CACNA1C: variants seen among roughly 807,000 people sequenced by gnomAD.
The protein encoded by CACNA1C is voltage-dependent L-type calcium channel subunit alpha-1C.
A neutral mutation model predicts 229.0 loss-of-function variants in CACNA1C; 30 were observed. The ratio of observed to expected loss-of-function variants is 0.13; its 90% CI spans 0.10 to 0.18. CACNA1C has a LOEUF of 0.18. Among genes scored for constraint, CACNA1C ranks in the 10% least tolerant of loss-of-function variants. The pLI, the probability that CACNA1C is intolerant of heterozygous loss-of-function variation, is 1.00. For missense variants in CACNA1C, 1,658 were observed against 2,845.0 expected, an observed-to-expected ratio of 0.58 and a Z score of 9.49; for synonymous variants, 1,114 against 1,132.5, an observed-to-expected ratio of 0.98 and a Z score of 0.33.
At chr12:2,453,853 G>A (rs1596725687) in intron 4 of CACNA1C, among the ~76,000 whole-genome samples, 1 of 152,198 alleles carries the variant, frequency 6.6e-6, no homozygotes, top group African/African-American at 2.4e-5. Context: ...ATGAGTGGGT[G>A]TAACTGAATT....
intron 3 of CACNA1C, among the ~76,000 whole-genome samples, chr12:2,208,259 A>G (rs1423347491): frequency 1.3e-5 from 2 of 152,246 alleles, no homozygotes; most frequent in Non-Finnish European, 1.5e-5. Flanking sequence ...AGAAGACATT[A>G]AAAACACACA....
chr12:2,209,057 C>T (rs964362695), intron 3 of CACNA1C, among the ~76,000 whole-genome samples: 5 of 152,210 alleles, frequency 3.3e-5, no homozygotes, highest in African/African-American at 1.2e-4. Context: ...CGGCCAGCAG[C>T]GTCCATGCTG....
intron 1 of CACNA1C, among the ~76,000 whole-genome samples, chr12:1,976,284 C>G (rs759108930): frequency 6.6e-6 from 1 of 152,174 alleles, no homozygotes; most frequent in East Asian, 1.9e-4. Context: ...ATAAATAGAT[C>G]AATTTTTCAG....
chr12:2,663,239 G>A (rs888449614), intron 34 of CACNA1C, among the ~76,000 whole-genome samples: 1 of 152,154 alleles, frequency 6.6e-6, no homozygotes, highest in African/African-American at 2.4e-5. Flanking sequence ...AACTAACAAA[G>A]GGTTAAGAAT....
intron 5 of CACNA1C, among the ~76,000 whole-genome samples, chr12:2,484,680 G>C (rs2154570301): frequency 6.6e-6 from 1 of 152,180 alleles, no homozygotes; most frequent in African/African-American, 2.4e-5. Flanking sequence ...ACCACCTCGA[G>C]TAGCACTTGG....
chr12:2,073,026 C>T (rs896068214), intron 1 of CACNA1C, among the ~76,000 whole-genome samples: 1 of 152,064 alleles, frequency 6.6e-6, no homozygotes, highest in Non-Finnish European at 1.5e-5. Flanking sequence ...ACAGTGGGGC[C>T]GCTGGCTGGA....
At chr12:2,514,197 G>T (rs1213635295) in intron 9 of CACNA1C, among the ~76,000 whole-genome samples, 2 of 152,210 alleles carry the variant, frequency 1.3e-5, no homozygotes, top group South Asian at 2.1e-4. Context: ...GAGAAGAGCT[G>T]CCAGGAGCAG....
chr12:2,444,614 T>A (rs1353990056), intron 3 of CACNA1C, among the ~76,000 whole-genome samples: 2 of 152,064 alleles, frequency 1.3e-5, no homozygotes, highest in African/African-American at 4.8e-5. Context: ...TTCAGCAAGT[T>A]CATAACTGAT....
chr12:2,010,798 C>G (rs758886230), intron 1 of CACNA1C: 4 of 152,076 alleles, frequency 2.6e-5, no homozygotes, highest in Non-Finnish European at 5.9e-5. Flanking sequence ...CCAACGTCCA[C>G]GAGTCTCAAA....
At chr12:2,412,655 CT>C (rs1567536826) in intron 3 of CACNA1C, among the ~76,000 whole-genome samples, 2 of 152,048 alleles carry the variant, frequency 1.3e-5, no homozygotes, top group African/African-American at 2.4e-5. Context: ...AATCATCTCA[CT>C]TTTTTTTGAA....
At chr12:2,329,072 G>A (rs922131413) in intron 3 of CACNA1C, among the ~76,000 whole-genome samples, 2 of 152,176 alleles carry the variant, frequency 1.3e-5, no homozygotes, top group African/African-American at 4.8e-5. Flanking sequence ...CTGGTTTTGT[G>A]ATAGATAACT....
At chr12:2,145,747 G>A (rs966471947) in intron 3 of CACNA1C, among the ~76,000 whole-genome samples, 5 of 151,256 alleles carry the variant, frequency 3.3e-5, no homozygotes, top group South Asian at 2.1e-4. Context: ...GTGGGATTTC[G>A]TGGCAGGAGT....
intron 11 of CACNA1C, among the ~76,000 whole-genome samples, chr12:2,562,441 T>G (rs530973549): frequency 9.2e-5 from 14 of 152,250 alleles, no homozygotes; most frequent in Non-Finnish European, 1.6e-4. Context: ...AGATCAGATA[T>G]GAGTTTGTCC....
chr12:2,198,355 A>G (rs1185558156), intron 3 of CACNA1C, among the ~76,000 whole-genome samples: 1 of 152,152 alleles, frequency 6.6e-6, no homozygotes, highest in African/African-American at 2.4e-5. Context: ...GGCGGCCAGG[A>G]GAATTCCTTG....
intron 12 of CACNA1C, among the ~76,000 whole-genome samples, chr12:2,567,035 G>T (rs1172653432): frequency 6.6e-6 from 1 of 152,232 alleles, no homozygotes; most frequent in Non-Finnish European, 1.5e-5. Flanking sequence ...TCTTCAATGG[G>T]TCGTTCATTC....
intron 30 of CACNA1C, among the ~76,000 whole-genome samples, chr12:2,638,970 C>T (rs1046042351): frequency 2.0e-5 from 3 of 152,188 alleles, no homozygotes; most frequent in Non-Finnish European, 4.4e-5. Flanking sequence ...GAAGAAGAAG[C>T]GACAAGAGGC....
intron 10 of CACNA1C, among the ~76,000 whole-genome samples, chr12:2,553,877 G>A (rs925284329): frequency 1.3e-5 from 2 of 152,204 alleles, no homozygotes; most frequent in African/African-American, 2.4e-5. Context: ...ACCCAGGAGT[G>A]GAAGCAATTC....
chr12:2,267,235 C>G (rs1330912847), intron 3 of CACNA1C, among the ~76,000 whole-genome samples: 2 of 152,158 alleles, frequency 1.3e-5, no homozygotes, highest in African/African-American at 2.4e-5. Context: ...CCGGGAAATT[C>G]ATTTACCCTT....
chr12:2,688,101 T>C (rs2097607282), intron 45 of CACNA1C, among the ~76,000 whole-genome samples: 1 of 152,286 alleles, frequency 6.6e-6, no homozygotes, highest in African/African-American at 2.4e-5. Flanking sequence ...CACCCTGCTC[T>C]CCATTCTATT....
Sources: allele counts gnomAD v4.1 joint callset (sites outside exome capture counted in the v4.1 genomes callset), GRCh38; gene constraint gnomAD v4.1.1; transcripts MANE v1.5; gene names NCBI Gene and HGNC (gene_info 2026-07-23, HGNC 2026-07-21).